RGL1: variants seen among roughly 807,000 people sequenced by gnomAD.
RGL1 encodes the protein ral guanine nucleotide dissociation stimulator like 1, also known as ral guanine nucleotide dissociation stimulator-like 1.
RGL1 carries 24 observed loss-of-function variants against 95.2 expected under a neutral mutation model. That is an observed-to-expected ratio of 0.25 (90% CI 0.18 to 0.35). RGL1 has a LOEUF of 0.35. Among genes scored for constraint, RGL1 ranks in the 10% least tolerant of loss-of-function variants. The pLI is 1.00. For missense variants in RGL1, 715 were observed against 936.3 expected, an observed-to-expected ratio of 0.76 and a Z score of 3.08; for synonymous variants, 329 against 344.9, an observed-to-expected ratio of 0.95 and a Z score of 0.51.
At chr1:183,640,504 AAAT>A (rs1437061269) in intron 1 of RGL1, among the ~76,000 whole-genome samples, 1 of 152,190 alleles carries the variant, frequency 6.6e-6, no homozygotes, top group African/African-American at 2.4e-5. Flanking sequence ...AAAAAATTGT[AAAT>A]CTCTTGCCTC....
chr1:183,909,587 G>A (rs1179301726), intron 14 of RGL1, among the ~76,000 whole-genome samples: 1 of 152,140 alleles, frequency 6.6e-6, no homozygotes. Context: ...TGCTTGAAGG[G>A]TCATAAAAGG....
chr1:183,766,951 C>T (rs1449160948), intron 2 of RGL1, among the ~76,000 whole-genome samples: 2 of 152,084 alleles, frequency 1.3e-5, no homozygotes, highest in African/African-American at 4.8e-5. Flanking sequence ...TATAGTGGCT[C>T]ACCCCTGTAA....
At chr1:183,739,595 A>G (rs148933633) in intron 1 of RGL1, among the ~76,000 whole-genome samples, 92 of 152,306 alleles carry the variant, frequency 6.0e-4, no homozygotes, top group African/African-American at 2.1e-3. Context: ...GATATATTGT[A>G]CATATGGTCA....
At position 183,636,589 on chromosome 1, in the gene RGL1, G is replaced by C. The variant is rs549752874; in HGVS notation, c.-33+88G>C. On this transcript the variant is annotated intron_variant, in intron 1 of 18. Transcript: ENST00000304685. The stretch of plus-strand genomic sequence containing the variant: ...ACTGGGGTGAATTTGTAGAATTTGG[G>C]AAAGGGTCATTGACATCTTAAAATA... The C allele has an allele frequency of 1.6e-3, 257 of 162,912 alleles. 1 individual carries two copies. Among genetic ancestry groups the C allele is most frequent in the Middle Eastern group, 2.9e-3 (1 of 344 alleles). The allele number at this position is 162,912 out of a possible 1,614,324, so 10.1% of individuals were successfully genotyped here. A position where few individuals can be genotyped will look rare whatever the true frequency, so the allele number is the denominator to read the frequency against.
intron 2 of RGL1, among the ~76,000 whole-genome samples, chr1:183,839,010 C>A (rs1003078080): frequency 6.6e-6 from 1 of 152,170 alleles, no homozygotes; most frequent in African/African-American, 2.4e-5. Flanking sequence ...TATGTCAGCA[C>A]ATATGTGAAT....
At chr1:183,846,581 C>A (rs983270420) in intron 2 of RGL1, among the ~76,000 whole-genome samples, 3 of 150,920 alleles carry the variant, frequency 2.0e-5, no homozygotes, top group African/African-American at 7.3e-5. Context: ...ACAACAACAA[C>A]AAAAAAGAAT....
At chr1:183,882,848 G>A (rs998453387) in intron 5 of RGL1, among the ~76,000 whole-genome samples, 1 of 152,136 alleles carries the variant, frequency 6.6e-6, no homozygotes, top group African/African-American at 2.4e-5. Flanking sequence ...GAAAGAAAAG[G>A]CTCAAAATAT....
chr1:183,803,198 C>T (rs1353427938), upstream of RGL1, among the ~76,000 whole-genome samples: 2 of 152,172 alleles, frequency 1.3e-5, no homozygotes, highest in Non-Finnish European at 2.9e-5. Context: ...GACATCATTT[C>T]AGATTTCCTA....
intron 1 of RGL1, among the ~76,000 whole-genome samples, chr1:183,725,857 T>C (rs1447044786): frequency 6.6e-6 from 1 of 152,186 alleles, no homozygotes; most frequent in East Asian, 1.9e-4. Flanking sequence ...ATGCAAAATA[T>C]ACATTCTTTT....
intron 4 of RGL1, among the ~76,000 whole-genome samples, chr1:183,872,840 GA>G (rs1199317694): frequency 1.3e-5 from 2 of 152,158 alleles, no homozygotes; most frequent in African/African-American, 4.8e-5. Context: ...CAAAAATGGG[GA>G]AAAGGAGGAG....
At chr1:183,731,960 G>T (rs1656652324) in intron 1 of RGL1, among the ~76,000 whole-genome samples, 2 of 152,190 alleles carry the variant, frequency 1.3e-5, no homozygotes, top group East Asian at 1.9e-4. Context: ...ACTTATCTTT[G>T]TTTCGCCCTG....
chr1:183,839,040 C>T (rs1326289118), intron 2 of RGL1, among the ~76,000 whole-genome samples: 1 of 152,180 alleles, frequency 6.6e-6, no homozygotes, highest in Non-Finnish European at 1.5e-5. Context: ...AAGATTTCTT[C>T]TGGTTTCTCT....
At chr1:183,683,741 C>T (rs1210188260) in intron 1 of RGL1, among the ~76,000 whole-genome samples, 6 of 150,284 alleles carry the variant, frequency 4.0e-5, no homozygotes, top group Non-Finnish European at 8.9e-5. Flanking sequence ...GTTCTCCTGG[C>T]TAATATCCTG....
intron 3 of RGL1, among the ~76,000 whole-genome samples, chr1:183,849,032 A>G (rs1032962399): frequency 1.1e-4 from 16 of 152,156 alleles, no homozygotes; most frequent in African/African-American, 3.9e-4. Flanking sequence ...CTTACCTATG[A>G]TACAGATAGC....
At chr1:183,640,640 A>G (rs1649863496) in intron 1 of RGL1, among the ~76,000 whole-genome samples, 4 of 152,182 alleles carry the variant, frequency 2.6e-5, no homozygotes, top group African/African-American at 2.4e-5. Context: ...ACTTTAAAAC[A>G]TATTTATCCT....
chr1:183,902,719 T>C (rs1668099327), intron 12 of RGL1, 119 bp downstream of exon 12: 1 of 857,976 alleles, frequency 1.2e-6, no homozygotes, highest in Admixed American at 2.5e-5. Flanking sequence ...TGAACGTTTA[T>C]CATATACCAT....
intron 1 of RGL1, among the ~76,000 whole-genome samples, chr1:183,642,731 T>A (rs1650010644): frequency 6.6e-6 from 1 of 152,192 alleles, no homozygotes; most frequent in Non-Finnish European, 1.5e-5. Flanking sequence ...AAGATGTCAC[T>A]TTTTTTGTAT....
chr1:183,750,259 T>C (rs1489383665), intron 2 of RGL1, among the ~76,000 whole-genome samples: 1 of 152,212 alleles, frequency 6.6e-6, no homozygotes, highest in African/African-American at 2.4e-5. Flanking sequence ...TGTTCATTCC[T>C]TTTCATTCTT....
intron 7 of RGL1, 28 bp downstream of exon 7, chr1:183,884,966 G>T (rs1215333421): frequency 6.3e-7 from 1 of 1,586,100 alleles, no homozygotes; most frequent in Non-Finnish European, 8.6e-7. Context: ...AATATTCTTT[G>T]TGTTTGGTAG....
Sources: gnomAD v4.1 joint callset for allele counts (sites outside exome capture counted in the v4.1 genomes callset) on GRCh38, gnomAD v4.1.1 for gene constraint, MANE v1.5 for transcripts, NCBI Gene and HGNC (gene_info 2026-07-23, HGNC 2026-07-21) for gene names.